The following HS6ST3 variants were observed in gnomAD, a reference collection of about 807,000 sequenced individuals.
HS6ST3 encodes heparan-sulfate 6-O-sulfotransferase 3.
HS6ST3 carries 12 observed loss-of-function variants against 36.7 expected under a neutral mutation model. The observed-to-expected ratio is 0.33, with a 90% CI of 0.21 to 0.53. HS6ST3 has a LOEUF of 0.53. HS6ST3 is among the 20% of genes least tolerant of loss of function. The probability of loss-of-function intolerance (pLI) is 0.95; values close to 1 mark genes in which losing one functional copy is unlikely to be tolerated. For synonymous variants in HS6ST3, 240 were observed against 257.5 expected (o/e 0.93, Z 0.65); for missense variants, 584 against 640.9 (o/e 0.91, Z 0.96).
chr13:96,129,872 A>G (rs1351044993), intron 1 of HS6ST3, among the ~76,000 whole-genome samples: 1 of 152,190 alleles, frequency 6.6e-6, no homozygotes, highest in Non-Finnish European at 1.5e-5. Context: ...TAGAAGCACC[A>G]ACTCTGTAGA....
At chr13:96,311,261 A>G (rs1011045915) in intron 1 of HS6ST3, among the ~76,000 whole-genome samples, 1 of 152,186 alleles carries the variant, frequency 6.6e-6, no homozygotes, top group Non-Finnish European at 1.5e-5. Context: ...TTAGTGAAGA[A>G]CCTTGGTAAT....
intron 1 of HS6ST3, among the ~76,000 whole-genome samples, chr13:96,113,125 C>A (rs538205729): frequency 6.6e-6 from 1 of 152,256 alleles, no homozygotes; most frequent in African/African-American, 2.4e-5. Flanking sequence ...GACCTCAAGC[C>A]TGTTTATGCT....
intron 1 of HS6ST3, among the ~76,000 whole-genome samples, chr13:96,335,176 T>A (rs1174872967): frequency 1.3e-5 from 2 of 151,940 alleles, no homozygotes; most frequent in Non-Finnish European, 2.9e-5. Flanking sequence ...CCCATCAAAG[T>A]CCATCCCCAG....
rs187224503 is a variant in HS6ST3, at chr13:96,532,604, G to A, written c.708-299886G>A. Among the ~76,000 whole-genome samples the A allele has an allele frequency of 3.3e-5, 5 of 152,300 alleles. No individual in the cohort carries two copies. In the East Asian group the frequency reaches 9.6e-4, roughly 29 times the overall value. ...GGAAGTAAAAAATTACTGAAAGCAC[G>A]GAGATCTGAGTTTGAGAATGAGGCT... On this transcript the variant is annotated intron_variant, in intron 1 of 1. Transcript: ENST00000376705.
chr13:96,623,544 C>A (rs72643804), intron 1 of HS6ST3, among the ~76,000 whole-genome samples: 1 of 152,132 alleles, frequency 6.6e-6, no homozygotes, highest in Non-Finnish European at 1.5e-5. Context: ...CACGTTCAAC[C>A]AACAAGATAA....
intron 1 of HS6ST3, among the ~76,000 whole-genome samples, chr13:96,253,004 C>T (rs568635061): frequency 1.7e-4 from 26 of 152,194 alleles, no homozygotes; most frequent in East Asian, 5.8e-4. Context: ...TTTATAACAA[C>T]GCAAGAACGA....
intron 1 of HS6ST3, among the ~76,000 whole-genome samples, chr13:96,677,277 TA>T (rs2056701821): frequency 6.6e-6 from 1 of 152,116 alleles, no homozygotes; most frequent in African/African-American, 2.4e-5. Context: ...AAATGTAAGA[TA>T]AAAATACATT....
intron 1 of HS6ST3, among the ~76,000 whole-genome samples, chr13:96,305,879 A>C (rs1041677243): frequency 7.6e-6 from 1 of 130,768 alleles, no homozygotes; most frequent in South Asian, 2.4e-4. Context: ...GACGGAGTTC[A>C]TGGTTCATTT....
chr13:96,573,247 A>G (rs1459467149), intron 1 of HS6ST3, among the ~76,000 whole-genome samples: 2 of 152,348 alleles, frequency 1.3e-5, no homozygotes, highest in African/African-American at 4.8e-5. Flanking sequence ...GTCTACTCTT[A>G]ATGAAAATAG....
intron 1 of HS6ST3, among the ~76,000 whole-genome samples, chr13:96,093,554 G>A (rs990198833): frequency 6.5e-5 from 7 of 107,392 alleles, no homozygotes; most frequent in Admixed American, 1.0e-4. Flanking sequence ...TAGTCACCCT[G>A]TTCTGGTTTC....
chr13:96,404,686 C>CA lies in HS6ST3; in HGVS notation c.707+313122dup, dbSNP rs903888313. Among the ~76,000 whole-genome samples the CA allele has an allele frequency of 2.6e-5, 4 of 152,190 alleles. No homozygotes were observed. In the East Asian group the frequency reaches 7.7e-4, roughly 29 times the overall value. On this transcript the variant is annotated intron_variant, in intron 1 of 1. Coordinates refer to ENST00000376705, the MANE Select transcript of HS6ST3 (RefSeq NM_153456.4). ...CAAAAGGCCAATACCTTAAAAGCAGCAAAAACTTCACACTAATCCACAGTA... is the reference window on the plus strand; with the variant it reads ...CAAAAGGCCAATACCTTAAAAGCAGCAAAAAACTTCACACTAATCCACAGTA...
chr13:96,131,801 A>C (rs970810665), intron 1 of HS6ST3, among the ~76,000 whole-genome samples: 1 of 151,278 alleles, frequency 6.6e-6, no homozygotes, highest in Non-Finnish European at 1.5e-5. Flanking sequence ...TGTCTAAGAT[A>C]GATAATGGCG....
chr13:96,303,027 G>A (rs893366735), intron 1 of HS6ST3, among the ~76,000 whole-genome samples: 2 of 152,130 alleles, frequency 1.3e-5, no homozygotes, highest in Admixed American at 6.6e-5. Context: ...GAGTGAATGC[G>A]ATAGAGACTG....
chr13:96,104,341 A>G (rs1013620197), intron 1 of HS6ST3, among the ~76,000 whole-genome samples: 1 of 152,216 alleles, frequency 6.6e-6, no homozygotes. Context: ...ACTCCAGGAT[A>G]TGACAGATTT....
chr13:96,602,366 T>G (rs1223744750), intron 1 of HS6ST3, among the ~76,000 whole-genome samples: 3 of 152,208 alleles, frequency 2.0e-5, no homozygotes, highest in African/African-American at 7.2e-5. Context: ...TTTTTTAGCA[T>G]GATGTCTGTG....
intron 1 of HS6ST3, among the ~76,000 whole-genome samples, chr13:96,330,837 G>C (rs977492560): frequency 6.6e-6 from 1 of 150,376 alleles, no homozygotes; most frequent in Non-Finnish European, 1.5e-5. Flanking sequence ...ATGTAGATTT[G>C]GTCTTTTCAC....
At chr13:96,190,546 A>T (rs896216376) in intron 1 of HS6ST3, among the ~76,000 whole-genome samples, 5 of 152,132 alleles carry the variant, frequency 3.3e-5, no homozygotes, top group African/African-American at 1.2e-4. Context: ...CATTCAACAA[A>T]TATTTACTGA....
chr13:96,519,970 C>A (rs914364113), intron 1 of HS6ST3, among the ~76,000 whole-genome samples: 19 of 152,166 alleles, frequency 1.2e-4, no homozygotes, highest in Non-Finnish European at 2.5e-4. Context: ...TGTCTCTAAA[C>A]TAATGGTTGT....
chr13:96,643,728 A>G (rs753034538), intron 1 of HS6ST3, among the ~76,000 whole-genome samples: 4 of 151,818 alleles, frequency 2.6e-5, no homozygotes, highest in Non-Finnish European at 4.4e-5. Context: ...ATGAATAATT[A>G]TATGGAAATA....
Sources: gnomAD v4.1 joint callset for allele counts (sites outside exome capture counted in the v4.1 genomes callset) on GRCh38, gnomAD v4.1.1 for gene constraint, MANE v1.5 for transcripts, NCBI Gene and HGNC (gene_info 2026-07-23, HGNC 2026-07-21) for gene names.